The following NAXD variants were observed in gnomAD, a reference collection of about 807,000 sequenced individuals.
NAXD encodes the protein ATP-dependent (S)-NAD(P)H-hydrate dehydratase.
In NAXD, 22 loss-of-function variants were observed where a neutral mutation model predicts 35.8. The ratio of observed to expected loss-of-function variants is 0.62; its 90% CI spans 0.44 to 0.88. The LOEUF (loss-of-function observed/expected upper bound fraction) is 0.88. NAXD is among the 40% of genes least tolerant of loss of function. The probability of loss-of-function intolerance (pLI) is 0.00; values close to 1 mark genes in which losing one functional copy is unlikely to be tolerated. For missense variants in NAXD, 428 were observed against 437.7 expected, an observed-to-expected ratio of 0.98 and a Z score of 0.20; for synonymous variants, 189 against 177.6, an observed-to-expected ratio of 1.06 and a Z score of -0.51.
chr13:110,634,510 G>A (rs771873074), intron 5 of NAXD, 35 bp from the exon 6 acceptor site: 1 of 1,609,106 alleles, frequency 6.2e-7, no homozygotes, highest in Non-Finnish European at 8.5e-7. Context: ...CATAGCAGCA[G>A]GCATGGTGCT....
intron 5 of NAXD, among the ~76,000 whole-genome samples, chr13:110,633,026 T>C (rs532732215): frequency 3.4e-4 from 51 of 152,130 alleles, no homozygotes; most frequent in South Asian, 1.0e-3. Flanking sequence ...GCGCCGTGCG[T>C]TCGCATTCCT....
intron 7 of NAXD, 117 bp downstream of exon 7, chr13:110,634,893 G>A (rs1289484307): frequency 2.0e-5 from 15 of 740,128 alleles, no homozygotes; most frequent in Middle Eastern, 3.2e-4. Flanking sequence ...GCAAGTAATC[G>A]CTGTGCCTCT....
chr13:110,634,241 T>C (rs1594183286), intron 5 of NAXD, among the ~76,000 whole-genome samples: 2 of 152,352 alleles, frequency 1.3e-5, no homozygotes, highest in South Asian at 4.1e-4. Flanking sequence ...TGCGCTGCTG[T>C]AGCCGTACCA....
rs931252055 is a variant in NAXD at position 110,635,378 on chromosome 13, A to G, written c.598-90A>G. On this transcript the variant is annotated intron_variant, in intron 7 of 9. Transcript: ENST00000680254. ...GGGTGATCCCTTTAGACACGAGAGC[A>G]TGAGTCTCATGGCGGATGGGACAGG... 7.6e-6 allele frequency: 11 copies of G among 1,455,970 alleles called. No individual in the cohort carries two copies. The African/African-American group carries it at 8.3e-5, about 11-fold the overall frequency. The allele number at this position is 1,455,970 out of a possible 1,614,324, so 90.2% of individuals were successfully genotyped here. A position where few individuals can be genotyped will look rare whatever the true frequency, so the allele number is the denominator to read the frequency against.
chr13:110,630,580 G>A (rs908500956), intron 5 of NAXD, among the ~76,000 whole-genome samples: 1 of 152,182 alleles, frequency 6.6e-6, no homozygotes, highest in Non-Finnish European at 1.5e-5. Flanking sequence ...CCCTTGTGCT[G>A]TTGGTGTCTT....
rs560179592 is a variant in NAXD at position 110,634,643 on chromosome 13, C to T, written c.493-29C>T. 1.3e-4 allele frequency: 211 copies of T among 1,613,658 alleles called. 4 individuals carry two copies. In the South Asian group the frequency reaches 2.1e-3, roughly 16 times the overall value. ...GGCTCGGACTCCCGGAAGGCCTGTG[C>T]AGTGAGCACGGCTCCTTGTTCTGTG... On this transcript the variant is annotated intron_variant, in intron 6 of 9. Transcript: ENST00000680254.
chr13:110,624,697 C>T (rs1261396863), intron 3 of NAXD, among the ~76,000 whole-genome samples: 2 of 152,158 alleles, frequency 1.3e-5, no homozygotes, highest in African/African-American at 2.4e-5. Context: ...CCTGACCTCA[C>T]GTGATCCATG....
chr13:110,616,175 C>A (rs1431116816), intron 1 of NAXD: 2 of 199,740 alleles, frequency 1.0e-5, no homozygotes, highest in Non-Finnish European at 1.0e-5. Flanking sequence ...TTGGTCGGAG[C>A]TGGATACGGG....
At chr13:110,629,061 A>G (rs1359777869) in intron 5 of NAXD, among the ~76,000 whole-genome samples, 2 of 152,200 alleles carry the variant, frequency 1.3e-5, no homozygotes, top group Non-Finnish European at 1.5e-5. Flanking sequence ...CCCTCAGGTC[A>G]TCTAGCGTGG....
At chr13:110,623,822 C>G (rs11069855) in intron 2 of NAXD, among the ~76,000 whole-genome samples, 30,170 of 152,028 alleles carry the variant, frequency 0.2, 3,698 homozygotes, top group Admixed American at 0.32. Flanking sequence ...GACCAACATG[C>G]AGAAACCCTG....
chr13:110,635,807 C>T (rs1032162620), intron 8 of NAXD, among the ~76,000 whole-genome samples: 7 of 152,230 alleles, frequency 4.6e-5, no homozygotes, highest in South Asian at 2.1e-4. Context: ...GGCAGGCTTT[C>T]GAGCCGTGGG....
At chr13:110,625,155 G>C in intron 3 of NAXD, 35 bp from the exon 4 acceptor site, 1 of 1,540,280 alleles carries the variant, frequency 6.5e-7, no homozygotes. Flanking sequence ...ATGCCGGAGC[G>C]ATCCCTGAGT....
At position 110,626,198 on chromosome 13, in the gene NAXD, C is replaced by G. The variant is rs371313313; in HGVS notation, c.332+920C>G. 3.2e-3 allele frequency among the ~76,000 whole-genome samples: 486 copies of G among 151,906 alleles called. 6 individuals carry two copies. The highest frequency in any genetic ancestry group is 0.011 in the African/African-American group (470 of 41,416). ...CTCCTACGCGGCTGTGGGGCTGGGC[C>G]GGAGGCTGTGGTAAGGACCTGTGGG... On this transcript the variant is annotated intron_variant, in intron 4 of 9. Transcript: ENST00000680254.
At chr13:110,626,257 G>A (rs962497980) in intron 4 of NAXD, among the ~76,000 whole-genome samples, 3 of 152,152 alleles carry the variant, frequency 2.0e-5, no homozygotes, top group South Asian at 2.1e-4. Flanking sequence ...GAGAGGGGCC[G>A]GATTCTGGGT....
chr13:110,625,155 G>T, intron 3 of NAXD, 35 bp from the exon 4 acceptor site: 1 of 1,540,278 alleles, frequency 6.5e-7, no homozygotes, highest in East Asian at 2.2e-5. Context: ...ATGCCGGAGC[G>T]ATCCCTGAGT....
At chr13:110,625,640 C>G (rs971525413) in intron 4 of NAXD, among the ~76,000 whole-genome samples, 1 of 152,232 alleles carries the variant, frequency 6.6e-6, no homozygotes, top group South Asian at 2.1e-4. Flanking sequence ...GTGCCAGGCC[C>G]TAGCCTGTGT....
chr13:110,630,014 A>G (rs1886646203), intron 5 of NAXD, among the ~76,000 whole-genome samples: 1 of 151,742 alleles, frequency 6.6e-6, no homozygotes, highest in African/African-American at 2.4e-5. Flanking sequence ...CTGTTTGGGT[A>G]TCTTTTTTTT....
At chr13:110,632,067 CGCGGTG>C (rs1886713180) in intron 5 of NAXD, among the ~76,000 whole-genome samples, 1 of 135,652 alleles carries the variant, frequency 7.4e-6, no homozygotes, top group Non-Finnish European at 1.6e-5. Context: ...CGTGGACCCT[CGCGGTG>C]AGTGTTACAG....
chr13:110,634,667 T>C lies in NAXD; in HGVS notation c.493-5T>C, dbSNP rs757955369. ...GCAGTGAGCACGGCTCCTTGTTCTG[T>C]GCAGGATGGCCTGTGGCTGGTCGCT... On this transcript the variant is annotated splice_region_variant and splice_polypyrimidine_tract_variant and intron_variant, in intron 6 of 9. Coordinates refer to ENST00000680254, the MANE Select transcript of NAXD (RefSeq NM_001242882.2). The C allele has an allele frequency of 1.9e-6, 3 of 1,614,050 alleles. No individual in the cohort carries two copies. In the African/African-American group the frequency reaches 4.0e-5, roughly 22 times the overall value.
Sources: gnomAD v4.1 joint callset for allele counts (sites outside exome capture counted in the v4.1 genomes callset) on GRCh38, gnomAD v4.1.1 for gene constraint, MANE v1.5 for transcripts, NCBI Gene and HGNC (gene_info 2026-07-23, HGNC 2026-07-21) for gene names.